PCDH15: variants seen among roughly 807,000 people sequenced by gnomAD.
The protein encoded by PCDH15 is protocadherin related 15.
A neutral mutation model predicts 178.5 loss-of-function variants in PCDH15; 129 were observed. The ratio of observed to expected loss-of-function variants is 0.72; its 90% confidence interval spans 0.63 to 0.84. The LOEUF (loss-of-function observed/expected upper bound fraction) is 0.84, where lower values mean the gene tolerates loss of function less well. Ranked by LOEUF, PCDH15 falls within the 40% of genes least tolerant of loss-of-function variation. PCDH15 has a pLI of 0.00. For missense variants in PCDH15, 2,230 were observed against 2,099.9 expected, an observed-to-expected ratio of 1.06 and a Z score of -1.21; for synonymous variants, 800 against 732.0, an observed-to-expected ratio of 1.09 and a Z score of -1.50.
intron 2 of PCDH15, among the ~76,000 whole-genome samples, chr10:54,586,981 T>A (rs1461392852): frequency 1.3e-5 from 2 of 152,180 alleles, no homozygotes; most frequent in African/African-American, 4.8e-5. Flanking sequence ...TGCTTTTTTT[T>A]AAGGAGATGA....
chr10:54,750,926 G>A (rs752059889), intron 1 of PCDH15, among the ~76,000 whole-genome samples: 2 of 152,008 alleles, frequency 1.3e-5, no homozygotes, highest in Non-Finnish European at 2.9e-5. Flanking sequence ...GTTATATCTA[G>A]TTTGTAGTTG....
chr10:54,298,402 A>C (rs1195970361), intron 8 of PCDH15, among the ~76,000 whole-genome samples: 1 of 152,218 alleles, frequency 6.6e-6, no homozygotes, highest in Non-Finnish European at 1.5e-5. Flanking sequence ...GATCAGAGAA[A>C]GACTGCAGCC....
rs181437981 is a variant in PCDH15, at chr10:54,689,575, A to G, written c.-28-25285T>C. On this transcript the variant is annotated intron_variant, in intron 1 of 37. Coordinates refer to ENST00000644397, the MANE Select transcript of PCDH15 (RefSeq NM_001384140.1). ...ACTGAATAAAGTTTTAAGTGGATCA[A>G]TATAACATATTTGGCATATCTATGA... Among the ~76,000 whole-genome samples the G allele has an allele frequency of 3.9e-5, 6 of 152,346 alleles. No homozygotes were observed. The East Asian group carries it at 7.7e-4, about 20-fold the overall frequency.
intron 2 of PCDH15, among the ~76,000 whole-genome samples, chr10:55,114,499 T>C (rs746093693): frequency 1.4e-4 from 21 of 152,242 alleles, no homozygotes; most frequent in Non-Finnish European, 2.8e-4. Flanking sequence ...TTCTGACTTT[T>C]AGCTAAGCAC....
At chr10:54,885,637 G>C (rs1346410668) in intron 3 of PCDH15, among the ~76,000 whole-genome samples, 1 of 151,994 alleles carries the variant, frequency 6.6e-6, no homozygotes, top group African/African-American at 2.4e-5. Flanking sequence ...ATTTTAAGAT[G>C]ATCGCAAACT....
At chr10:54,807,204 A>C (rs1007915860) in intron 3 of PCDH15, among the ~76,000 whole-genome samples, 3 of 152,172 alleles carry the variant, frequency 2.0e-5, no homozygotes, top group African/African-American at 7.2e-5. Flanking sequence ...TAATTTAGTA[A>C]AGTTGTTGAA....
intron 2 of PCDH15, among the ~76,000 whole-genome samples, chr10:55,407,521 C>T (rs1838227515): frequency 6.6e-6 from 1 of 152,168 alleles, no homozygotes; most frequent in South Asian, 2.1e-4. Context: ...TCCTGTCTAT[C>T]ATTCTTAAAC....
Position 54,886,730 on chromosome 10 carries a change from C to T in PCDH15, c.-29+10720G>A, listed in dbSNP as rs1400853144. 3.9e-5 allele frequency among the ~76,000 whole-genome samples: 6 copies of T among 152,188 alleles called. No individual in the cohort carries two copies. The South Asian group carries it at 8.3e-4, about 21-fold the overall frequency. ...TGAGTGGAGAAGGCGCCAGCCTAGGCGACAGAGCCAGACTCCGTCTCAATA... is the reference window on the plus strand; with the variant it reads ...TGAGTGGAGAAGGCGCCAGCCTAGGTGACAGAGCCAGACTCCGTCTCAATA... On this transcript the variant is annotated intron_variant, in intron 3 of 5. Transcript: ENST00000458638.
intron 2 of PCDH15, among the ~76,000 whole-genome samples, chr10:54,981,582 G>T (rs774717033): frequency 4.6e-5 from 7 of 152,124 alleles, no homozygotes; most frequent in Non-Finnish European, 8.8e-5. Flanking sequence ...ATAACGAAGA[G>T]ATTTAAAATT....
chr10:55,187,952 G>A (rs1402455792), intron 1 of PCDH15, among the ~76,000 whole-genome samples: 1 of 151,956 alleles, frequency 6.6e-6, no homozygotes, highest in Admixed American at 6.6e-5. Context: ...AGGCAGTCAA[G>A]AGCAGAAGCA....
At chr10:55,152,977 G>A (rs181873802) in intron 2 of PCDH15, among the ~76,000 whole-genome samples, 1 of 151,074 alleles carries the variant, frequency 6.6e-6, no homozygotes, top group Non-Finnish European at 1.5e-5. Flanking sequence ...TGTAGGTATA[G>A]GTAACTTTGT....
intron 2 of PCDH15, among the ~76,000 whole-genome samples, chr10:55,602,908 G>GAGAA (rs1309568234): frequency 6.6e-6 from 1 of 152,166 alleles, no homozygotes; most frequent in East Asian, 1.9e-4. Flanking sequence ...GATGAGCTGA[G>GAGAA]AGAAGAAGGC....
At chr10:54,575,010 T>G (rs966667026) in intron 2 of PCDH15, among the ~76,000 whole-genome samples, 1 of 148,952 alleles carries the variant, frequency 6.7e-6, no homozygotes, top group Non-Finnish European at 1.5e-5. Flanking sequence ...GGGACATGGA[T>G]GATATTGGAA....
At chr10:54,580,351 C>T (rs557494675) in intron 2 of PCDH15, among the ~76,000 whole-genome samples, 6 of 152,016 alleles carry the variant, frequency 3.9e-5, no homozygotes, top group Non-Finnish European at 8.8e-5. Flanking sequence ...TGCACACGAA[C>T]TAAAAAATCT....
chr10:53,822,521 G>A, intron 32 of PCDH15: 1 of 1,613,150 alleles, frequency 6.2e-7, no homozygotes, highest in Non-Finnish European at 8.5e-7. Flanking sequence ...TTGGTGGATG[G>A]GCAAAATTTT....
intron 23 of PCDH15, among the ~76,000 whole-genome samples, chr10:53,951,466 G>A (rs1367879290): frequency 6.6e-6 from 1 of 152,184 alleles, no homozygotes; most frequent in African/African-American, 2.4e-5. Flanking sequence ...AGTAGAGCAA[G>A]AAGGAAGAAT....
intron 2 of PCDH15, among the ~76,000 whole-genome samples, chr10:55,145,638 T>A (rs1327316150): frequency 6.6e-6 from 1 of 152,010 alleles, no homozygotes; most frequent in African/African-American, 2.4e-5. Context: ...ACATCCTTTG[T>A]TTCTTGGGCA....
intron 8 of PCDH15, among the ~76,000 whole-genome samples, chr10:54,286,657 G>T (rs2059046095): frequency 6.6e-6 from 1 of 151,850 alleles, no homozygotes; most frequent in Non-Finnish European, 1.5e-5. Flanking sequence ...AAGGAGTCTT[G>T]CTCTATTGCT....
Position 54,183,489 on chromosome 10 carries a change from A to G in PCDH15, c.1545T>C (p.Asp515=), listed in dbSNP as rs2133800266. The G allele has an allele frequency of 1.2e-6, 2 of 1,613,776 alleles. No individual in the cohort carries two copies. The highest frequency in any genetic ancestry group is 1.7e-6 in the Non-Finnish European group (2 of 1,179,704). Residue 515 remains aspartate (D), a synonymous_variant, in exon 13 of 38, where the codon GAT becomes GAC. Coordinates refer to ENST00000644397, the MANE Select transcript of PCDH15 (RefSeq NM_001384140.1). ...GTCTCATGTCTGTATAAACATACACATCATAGGATATTTCAGGGAAGGTTG... is the reference window on the plus strand; with the variant it reads ...GTCTCATGTCTGTATAAACATACACGTCATAGGATATTTCAGGGAAGGTTG... ...NTPTFPEISY[D]VYVYTDMRPG...
Sources: allele counts gnomAD v4.1 joint callset (sites outside exome capture counted in the v4.1 genomes callset), GRCh38; gene constraint gnomAD v4.1.1; transcripts MANE v1.5; gene names NCBI Gene and HGNC (gene_info 2026-07-23, HGNC 2026-07-21).